NOC3L: variants seen among roughly 807,000 people sequenced by gnomAD.
NOC3L encodes the protein nucleolar complex protein 3 homolog.
In NOC3L, 85 loss-of-function variants were observed where a neutral mutation model predicts 102.5. The ratio of observed to expected loss-of-function variants is 0.83; its 90% confidence interval spans 0.70 to 0.99. NOC3L has a LOEUF of 0.99. NOC3L is among the 50% of genes least tolerant of loss of function. NOC3L has a pLI of 0.00. For synonymous variants in NOC3L, 303 were observed against 309.4 expected, an observed-to-expected ratio of 0.98 and a Z score of 0.22; for missense variants, 878 against 914.9, an observed-to-expected ratio of 0.96 and a Z score of 0.52.
chr10:94,341,340 T>C (rs1035445189), intron 14 of NOC3L, among the ~76,000 whole-genome samples: 2 of 151,586 alleles, frequency 1.3e-5, no homozygotes, highest in African/African-American at 4.8e-5. Context: ...GTGACTGATA[T>C]CCCAAGTAAA....
At chr10:94,360,655 A>G (rs1207147165) in intron 2 of NOC3L, among the ~76,000 whole-genome samples, 3 of 152,170 alleles carry the variant, frequency 2.0e-5, no homozygotes, top group South Asian at 4.2e-4. Flanking sequence ...GGATGACTAT[A>G]GTCAACAATA....
At chr10:94,334,494 C>G in intron 20 of NOC3L, 140 bp downstream of exon 20, 1 of 686,486 alleles carries the variant, frequency 1.5e-6, no homozygotes, top group East Asian at 2.7e-5. Context: ...GAATTTCAAC[C>G]TCAGAAATCC....
chr10:94,340,224 T>C, intron 16 of NOC3L, 52 bp downstream of exon 16: 1 of 1,451,628 alleles, frequency 6.9e-7, no homozygotes, highest in Non-Finnish European at 9.5e-7. Context: ...GGTCATAACA[T>C]ATTCTTAAAA....
intron 5 of NOC3L, 73 bp from the exon 6 acceptor site, chr10:94,355,166 T>C (rs1411366452): frequency 7.6e-7 from 1 of 1,308,920 alleles, no homozygotes; most frequent in Non-Finnish European, 1.0e-6. Context: ...AAAATATTTT[T>C]ACAGTAATAA....
chr10:94,326,341 A>G, the NOC3L span, among the ~76,000 whole-genome samples: 1 of 152,218 alleles, frequency 6.6e-6, no homozygotes. Context: ...AGCCCAAAAG[A>G]AGGCCCAATA....
At chr10:94,345,449 C>CT (rs1027764127) in intron 11 of NOC3L, among the ~76,000 whole-genome samples, 4 of 151,788 alleles carry the variant, frequency 2.6e-5, no homozygotes, top group Non-Finnish European at 5.9e-5. Context: ...ATAAAATATC[C>CT]TTTTTTTTCT....
At chr10:94,338,023 C>A in intron 18 of NOC3L, 149 bp from the exon 19 acceptor site, 1 of 447,120 alleles carries the variant, frequency 2.2e-6, no homozygotes, top group Non-Finnish European at 3.9e-6. Flanking sequence ...AAGCACATAC[C>A]CACAGAAAGA....
chr10:94,340,641 C>T (rs1225505841), intron 14 of NOC3L, 145 bp from the exon 15 acceptor site: 3 of 683,030 alleles, frequency 4.4e-6, no homozygotes, highest in African/African-American at 3.6e-5. Context: ...GCAGGCAGAT[C>T]ATTTGAGCCC....
chr10:94,328,127 A>AC, the NOC3L span: 1 of 349,930 alleles, frequency 2.9e-6, no homozygotes, highest in Admixed American at 3.4e-5. Context: ...GCTAGTTGCC[A>AC]CCAACCAATT....
chr10:94,349,413 C>T (rs755062455), intron 9 of NOC3L, 35 bp from the exon 10 acceptor site: 1 of 1,558,004 alleles, frequency 6.4e-7, no homozygotes, highest in South Asian at 1.2e-5. Context: ...ACCAGTGTTT[C>T]TCAACCTTAG....
chr10:94,343,137 T>C (rs955162147), intron 13 of NOC3L, among the ~76,000 whole-genome samples: 1 of 151,584 alleles, frequency 6.6e-6, no homozygotes, highest in Admixed American at 6.6e-5. Flanking sequence ...CATACATATA[T>C]AGGAGGGGGA....
At chr10:94,338,371 C>A (rs1350019171) in intron 18 of NOC3L, among the ~76,000 whole-genome samples, 1 of 152,092 alleles carries the variant, frequency 6.6e-6, no homozygotes, top group Non-Finnish European at 1.5e-5. Flanking sequence ...AAATCTTCCA[C>A]AACTGCACCC....
intron 18 of NOC3L, 24 bp from the exon 19 acceptor site, chr10:94,337,898 C>T (rs1240596528): frequency 1.3e-6 from 2 of 1,519,520 alleles, no homozygotes; most frequent in East Asian, 2.2e-5. Flanking sequence ...GGGACAATCA[C>T]ATTCTGCACA....
chr10:94,338,831 G>T, intron 17 of NOC3L, 95 bp from the exon 18 acceptor site: 1 of 1,049,026 alleles, frequency 9.5e-7, no homozygotes, highest in Non-Finnish European at 1.3e-6. Flanking sequence ...TTAAATTTAT[G>T]GTTGTATAAG....
intron 11 of NOC3L, 49 bp from the exon 12 acceptor site, chr10:94,344,982 G>A (rs745994604): frequency 2.3e-6 from 3 of 1,310,272 alleles, no homozygotes; most frequent in East Asian, 4.6e-5. Context: ...ACCACAGAGT[G>A]AAAAAAGCAG....
At chr10:94,316,616 A>G in the NOC3L span, 12 of 1,607,684 alleles carry the variant, frequency 7.5e-6, no homozygotes, top group South Asian at 1.1e-5. Context: ...AAAATATTTT[A>G]TATCTAAAGA....
intron 6 of NOC3L, among the ~76,000 whole-genome samples, chr10:94,354,054 T>C (rs1212311409): frequency 6.6e-6 from 1 of 152,160 alleles, no homozygotes; most frequent in African/African-American, 2.4e-5. Context: ...ATTAGATCAA[T>C]CTCTTATGCC....
intron 16 of NOC3L, 55 bp from the exon 17 acceptor site, chr10:94,339,975 A>G (rs2054263292): frequency 7.0e-7 from 1 of 1,430,638 alleles, no homozygotes. Flanking sequence ...TCATTACGCA[A>G]CTGGACTGAA....
In NOC3L at chr10:94,358,076, G is replaced by T; in HGVS notation, c.350+7C>A. The T allele has an allele frequency of 6.5e-7, 1 of 1,539,758 alleles. No homozygotes were observed. Among genetic ancestry groups the T allele is most frequent in the African/African-American group, 1.4e-5 (1 of 73,430 alleles). On this transcript the variant is annotated splice_region_variant and intron_variant, in intron 3 of 20. Coordinates refer to ENST00000371361, the MANE Select transcript of NOC3L (RefSeq NM_022451.11). ...TATGAATGATTATAACCCAAATGAA[G>T]TATTACCTAGAAGAAAGATCTCTTG...
Sources: gnomAD v4.1 joint callset for allele counts (sites outside exome capture counted in the v4.1 genomes callset) on GRCh38, gnomAD v4.1.1 for gene constraint, MANE v1.5 for transcripts, NCBI Gene and HGNC (gene_info 2026-07-23, HGNC 2026-07-21) for gene names.